SH3BGRL: variants seen among roughly 807,000 people sequenced by gnomAD.
The protein encoded by SH3BGRL is adapter SH3BGRL.
SH3BGRL carries 7 observed loss-of-function variants against 9.8 expected under a neutral mutation model. That is an observed-to-expected ratio of 0.72 (90% CI 0.41 to 1.35). SH3BGRL has a LOEUF of 1.35. Among genes scored for constraint, SH3BGRL ranks in the 40% most tolerant of loss-of-function variants. SH3BGRL has a pLI of 0.01. For missense variants in SH3BGRL, 73 were observed against 84.4 expected (o/e 0.86, Z 0.53); for synonymous variants, 36 against 29.1 (o/e 1.24, Z -0.76).
intron 3 of SH3BGRL, among the ~76,000 whole-genome samples, chrX:81,282,125 A>G (rs1259602161): frequency 8.9e-6 from 1 of 112,099 alleles, no homozygotes; most frequent in Non-Finnish European, 1.9e-5. Flanking sequence ...CCAACAGGAA[A>G]ATATCACAAT....
chrX:81,287,091 T>G (rs2075837266), intron 3 of SH3BGRL, among the ~76,000 whole-genome samples: 1 of 111,192 alleles, frequency 9.0e-6, no homozygotes, highest in African/African-American at 3.3e-5. Context: ...GTGTGTCACT[T>G]TAGGGAAATA....
At chrX:81,252,188 G>C (rs1359404949) in intron 1 of SH3BGRL, among the ~76,000 whole-genome samples, 1 of 111,925 alleles carries the variant, frequency 8.9e-6, no homozygotes, top group Non-Finnish European at 1.9e-5. Flanking sequence ...ACATTCCTGA[G>C]ATATACCTGA....
At chrX:81,211,449 T>C (rs963594023) in intron 1 of SH3BGRL, among the ~76,000 whole-genome samples, 3 of 110,497 alleles carry the variant, frequency 2.7e-5, no homozygotes, top group Admixed American at 9.6e-5. Context: ...TAGCCGGGCG[T>C]GGTGGCGGGC....
At chrX:81,241,718 G>A (rs2075670450) in intron 1 of SH3BGRL, among the ~76,000 whole-genome samples, 1 of 111,899 alleles carries the variant, frequency 8.9e-6, no homozygotes, top group Admixed American at 9.4e-5. Flanking sequence ...GACTTAGGGG[G>A]TCCCCGAGCC....
chrX:81,208,950 C>A, intron 1 of SH3BGRL, among the ~76,000 whole-genome samples: 1 of 107,220 alleles, frequency 9.3e-6, no homozygotes, highest in African/African-American at 3.4e-5. Flanking sequence ...TTTAAGTGTT[C>A]AATGATGCTA....
intron 1 of SH3BGRL, among the ~76,000 whole-genome samples, chrX:81,249,664 T>C (rs1408565739): frequency 2.7e-5 from 3 of 112,317 alleles, no homozygotes; most frequent in Admixed American, 9.5e-5. Flanking sequence ...AGAACACTGC[T>C]GGGCCCAGAA....
At chrX:81,275,779 C>T (rs921924320) in intron 1 of SH3BGRL, among the ~76,000 whole-genome samples, 8 of 111,891 alleles carry the variant, frequency 7.1e-5, no homozygotes, top group Non-Finnish European at 1.1e-4. Context: ...GAAAACTTTC[C>T]GTTTCTTTTG....
chrX:81,222,586 G>A (rs2075603478), intron 1 of SH3BGRL, among the ~76,000 whole-genome samples: 1 of 110,534 alleles, frequency 9.0e-6, no homozygotes, highest in East Asian at 2.9e-4. Context: ...TAGACATTTG[G>A]GTTGGTTCCA....
rs1453695509 is a variant in SH3BGRL at position 81,279,642 on chromosome X, C to G, written c.312+1231C>G. ...AGCTGAGTCAAGTTAGAGAGCCCAG[C>G]GAAATACAGGGGTAAAGGAAGCAAC... On this transcript the variant is annotated intron_variant, in intron 3 of 3. Coordinates refer to ENST00000373212, the MANE Select transcript of SH3BGRL (RefSeq NM_003022.3). 2.7e-5 allele frequency among the ~76,000 whole-genome samples: 3 copies of G among 111,066 alleles called. No homozygotes were observed. The Admixed American group carries it at 2.9e-4, about 11-fold the overall frequency.
intron 1 of SH3BGRL, among the ~76,000 whole-genome samples, chrX:81,244,521 G>C (rs752098431): frequency 8.9e-6 from 1 of 111,950 alleles, no homozygotes; most frequent in Non-Finnish European, 1.9e-5. Context: ...TAGACAGGCA[G>C]AGAACAAAAA....
intron 3 of SH3BGRL, among the ~76,000 whole-genome samples, chrX:81,278,957 A>G (rs2075807152): frequency 2.7e-5 from 3 of 112,580 alleles, no homozygotes; most frequent in Admixed American, 1.9e-4. Context: ...AAAGAAAGCA[A>G]CAATAAAGTT....
chrX:81,294,939 T>C (rs1323207777), intron 3 of SH3BGRL, among the ~76,000 whole-genome samples: 2 of 112,178 alleles, frequency 1.8e-5, no homozygotes, highest in Non-Finnish European at 3.8e-5. Flanking sequence ...GATTTTGAAC[T>C]TTCACTGGGC....
At chrX:81,244,804 C>T (rs370344348) in intron 1 of SH3BGRL, among the ~76,000 whole-genome samples, 6 of 111,243 alleles carry the variant, frequency 5.4e-5, no homozygotes, top group South Asian at 3.9e-4. Flanking sequence ...CCCTCCACCC[C>T]GCTACAGGCC....
chrX:81,281,638 C>T, intron 3 of SH3BGRL, among the ~76,000 whole-genome samples: 1 of 112,152 alleles, frequency 8.9e-6, no homozygotes, highest in South Asian at 3.7e-4. Flanking sequence ...TCGCCATTAT[C>T]AAGCCACCAC....
At chrX:81,253,741 C>T (rs1400824074) in intron 1 of SH3BGRL, among the ~76,000 whole-genome samples, 3 of 111,988 alleles carry the variant, frequency 2.7e-5, no homozygotes, top group South Asian at 3.7e-4. Flanking sequence ...TGTTGGCATA[C>T]GATTTTTTAT....
chrX:81,278,267 A>T lies in SH3BGRL; in HGVS notation c.232-64A>T. 8 of 863,667 alleles carry T rather than the reference A, an allele frequency of 9.3e-6. No homozygotes were observed. The South Asian group carries it at 1.9e-4, about 20-fold the overall frequency. The allele number at this position is 863,667 out of a possible 1,213,427, so 71.2% of individuals were successfully genotyped here. A position where few individuals can be genotyped will look rare whatever the true frequency, so the allele number is the denominator to read the frequency against. On this transcript the variant is annotated intron_variant, in intron 2 of 3. Coordinates refer to ENST00000373212, the MANE Select transcript of SH3BGRL (RefSeq NM_003022.3). ...CGTGAGCCACTGCTTTCGGCTGAAT[A>T]AATTTCCTTTTTTTCTTTTATTGGT... is the stretch of plus-strand genomic sequence containing the variant.
At chrX:81,263,281 C>T (rs148189143) in intron 1 of SH3BGRL, among the ~76,000 whole-genome samples, 5 of 111,536 alleles carry the variant, frequency 4.5e-5, no homozygotes, top group African/African-American at 1.3e-4. Context: ...AGCTGGGCCT[C>T]ATTATGCAGG....
chrX:81,202,536 G>T, intron 1 of SH3BGRL: 1 of 889,252 alleles, frequency 1.1e-6, no homozygotes, highest in Non-Finnish European at 1.4e-6. Context: ...GGTGCTATAC[G>T]GTCTTTAGGG....
intron 1 of SH3BGRL, among the ~76,000 whole-genome samples, chrX:81,213,636 C>T (rs995786971): frequency 8.1e-5 from 9 of 110,676 alleles, no homozygotes; most frequent in South Asian, 3.7e-4. Context: ...TTAATGGACC[C>T]GTCAAAAGTT....
Sources: allele counts gnomAD v4.1 joint callset (sites outside exome capture counted in the v4.1 genomes callset), GRCh38; gene constraint gnomAD v4.1.1; transcripts MANE v1.5; gene names NCBI Gene and HGNC (gene_info 2026-07-23, HGNC 2026-07-21).